Variants in THSD7B observed in about 807,000 individuals in gnomAD.
The protein encoded by THSD7B is thrombospondin type-1 domain-containing protein 7B.
Under a neutral mutation model 213.6 loss-of-function variants are expected in THSD7B, and 138 were observed. That is an observed-to-expected ratio of 0.65 (90% CI 0.56 to 0.74). The LOEUF (loss-of-function observed/expected upper bound fraction) is 0.74. Among genes scored for constraint, THSD7B ranks in the 30% least tolerant of loss-of-function variants. THSD7B has a pLI of 0.00. For synonymous variants in THSD7B, 742 were observed against 687.0 expected (o/e 1.08, Z -1.25); for missense variants, 1,931 against 1,991.5 (o/e 0.97, Z 0.58).
intron 12 of THSD7B, among the ~76,000 whole-genome samples, chr2:137,285,097 C>T (rs1683136974): frequency 6.6e-6 from 1 of 151,994 alleles, no homozygotes; most frequent in Admixed American, 6.6e-5. Context: ...TATTGGGTGC[C>T]TATATATTTA....
chr2:136,846,589 C>T (rs1293453375), intron 1 of THSD7B, among the ~76,000 whole-genome samples: 1 of 152,100 alleles, frequency 6.6e-6, no homozygotes, highest in African/African-American at 2.4e-5. Context: ...TCTGTGATTC[C>T]ATTTTAACCT....
chr2:137,315,831 A>T (rs558572001), intron 12 of THSD7B, among the ~76,000 whole-genome samples: 1 of 152,258 alleles, frequency 6.6e-6, no homozygotes, highest in East Asian at 1.9e-4. Context: ...CTCATGTTAG[A>T]ATCTCTGCCT....
At chr2:137,284,566 T>C (rs979885577) in intron 12 of THSD7B, among the ~76,000 whole-genome samples, 3 of 152,278 alleles carry the variant, frequency 2.0e-5, no homozygotes, top group Admixed American at 6.5e-5. Context: ...TACACACTGC[T>C]TTGAATGTGT....
chr2:137,654,492 G>C (rs1039428299), intron 21 of THSD7B, among the ~76,000 whole-genome samples: 6 of 152,200 alleles, frequency 3.9e-5, no homozygotes, highest in East Asian at 1.9e-4. Flanking sequence ...CTCCTGCCAG[G>C]ATACTGAAGA....
intron 2 of THSD7B, among the ~76,000 whole-genome samples, chr2:136,945,232 A>G (rs996482184): frequency 2.0e-5 from 3 of 151,986 alleles, no homozygotes; most frequent in Admixed American, 6.6e-5. Context: ...TCTCTTATGT[A>G]GAGTTTCTGA....
At chr2:137,271,211 C>T (rs1682724252) in intron 10 of THSD7B, among the ~76,000 whole-genome samples, 1 of 151,162 alleles carries the variant, frequency 6.6e-6, no homozygotes, top group African/African-American at 2.4e-5. Context: ...TCACTGCGCT[C>T]CTCCCTCTCT....
intron 13 of THSD7B, among the ~76,000 whole-genome samples, chr2:137,407,041 C>T (rs897902295): frequency 6.6e-5 from 10 of 152,072 alleles, no homozygotes; most frequent in African/African-American, 2.4e-4. Context: ...GAGAGAATTC[C>T]CTGTAGAGGA....
chr2:136,957,292 C>T (rs1476895550), intron 2 of THSD7B, among the ~76,000 whole-genome samples: 1 of 152,112 alleles, frequency 6.6e-6, no homozygotes, highest in African/African-American at 2.4e-5. Flanking sequence ...AGCCATCTTG[C>T]TACCATGTGC....
intron 5 of THSD7B, among the ~76,000 whole-genome samples, chr2:137,147,195 C>T (rs1679719864): frequency 6.6e-6 from 1 of 152,146 alleles, no homozygotes; most frequent in Non-Finnish European, 1.5e-5. Context: ...ACAAGTAGGA[C>T]TTGTAATACA....
intron 4 of THSD7B, among the ~76,000 whole-genome samples, chr2:137,101,084 G>A (rs1270012775): frequency 1.3e-5 from 2 of 152,186 alleles, no homozygotes; most frequent in African/African-American, 2.4e-5. Flanking sequence ...CTCCCAGGCT[G>A]GAATGGAGTG....
intron 17 of THSD7B, among the ~76,000 whole-genome samples, chr2:137,572,797 A>C (rs1280189903): frequency 6.6e-6 from 1 of 152,204 alleles, no homozygotes; most frequent in East Asian, 1.9e-4. Context: ...AACAAGGAAA[A>C]TGAGCCTATA....
intron 1 of THSD7B, among the ~76,000 whole-genome samples, chr2:136,880,438 G>A (rs1309118415): frequency 1.3e-5 from 2 of 151,862 alleles, no homozygotes; most frequent in East Asian, 1.9e-4. Context: ...TACATATATT[G>A]CGGTAAGTTA....
intron 12 of THSD7B, among the ~76,000 whole-genome samples, chr2:137,298,596 G>A (rs977915759): frequency 6.6e-6 from 1 of 152,132 alleles, no homozygotes; most frequent in African/African-American, 2.4e-5. Context: ...GAAAAAAGAG[G>A]TTTCGTGGGC....
chr2:137,075,188 C>T (rs1175439546), intron 3 of THSD7B, among the ~76,000 whole-genome samples: 1 of 152,206 alleles, frequency 6.6e-6, no homozygotes, highest in African/African-American at 2.4e-5. Context: ...TATTTTCCAA[C>T]TTGGTTCCAT....
chr2:137,426,528 C>T (rs540714428), intron 14 of THSD7B, among the ~76,000 whole-genome samples: 15 of 152,070 alleles, frequency 9.9e-5, no homozygotes, highest in South Asian at 4.1e-4. Context: ...ATAAATGTTG[C>T]GCTAGTAATC....
In THSD7B at chr2:137,561,600, G is replaced by A. The variant is rs149964815; in HGVS notation, c.3139-1621G>A. On this transcript the variant is annotated intron_variant, in intron 15 of 27. Transcript: ENST00000409968. ...TAAATTCAGTGAAAGCATCGTTGTC[G>A]TGATGCAGTCAGATCAGCTAAACCC... is the stretch of plus-strand genomic sequence containing the variant. Among the ~76,000 whole-genome samples, 521 of 152,214 alleles carry A rather than the reference G, an allele frequency of 3.4e-3. 2 individuals are homozygous for A. The highest frequency in any genetic ancestry group is 5.3e-3 in the Non-Finnish European group (362 of 68,012).
chr2:137,239,140 T>A (rs1489223338), intron 9 of THSD7B, among the ~76,000 whole-genome samples: 3 of 151,764 alleles, frequency 2.0e-5, no homozygotes, highest in African/African-American at 7.3e-5. Flanking sequence ...CACAACCACT[T>A]TTTTTTTGAA....
intron 2 of THSD7B, among the ~76,000 whole-genome samples, chr2:136,956,464 C>G (rs898644669): frequency 1.3e-4 from 20 of 149,074 alleles, no homozygotes; most frequent in Non-Finnish European, 7.4e-5. Context: ...GTTCTCCCAT[C>G]GTTAGTGTCC....
At chr2:137,657,246 A>T in intron 24 of THSD7B, 86 bp downstream of exon 24, 2 of 1,297,140 alleles carry the variant, frequency 1.5e-6, no homozygotes, top group Non-Finnish European at 2.1e-6. Flanking sequence ...ACAAATTATA[A>T]ACAAGGGGTG....
Sources: gnomAD v4.1 joint callset for allele counts (sites outside exome capture counted in the v4.1 genomes callset) on GRCh38, gnomAD v4.1.1 for gene constraint, MANE v1.5 for transcripts, NCBI Gene and HGNC (gene_info 2026-07-23, HGNC 2026-07-21) for gene names.